The following LRRTM4 variants were observed in gnomAD, a reference collection of about 807,000 sequenced individuals.
LRRTM4 encodes the protein leucine-rich repeat transmembrane neuronal protein 4.
In LRRTM4, 25 loss-of-function variants were observed where a neutral mutation model predicts 47.6. The observed-to-expected ratio is 0.53, with a 90% CI of 0.38 to 0.73. The LOEUF is 0.73. LRRTM4 is among the 30% of genes least tolerant of loss of function. The pLI, the probability that LRRTM4 is intolerant of heterozygous loss-of-function variation, is 0.00. For missense variants in LRRTM4, 638 were observed against 713.4 expected, an observed-to-expected ratio of 0.89 and a Z score of 1.20; for synonymous variants, 311 against 269.5, an observed-to-expected ratio of 1.15 and a Z score of -1.51.
intron 2 of LRRTM4, among the ~76,000 whole-genome samples, chr2:77,520,118 C>G (rs1310189882): frequency 6.6e-6 from 1 of 152,034 alleles, no homozygotes; most frequent in Non-Finnish European, 1.5e-5. Context: ...TTCAGGAGTT[C>G]CTACTTATTT....
intron 3 of LRRTM4, among the ~76,000 whole-genome samples, chr2:77,282,421 G>A (rs563836116): frequency 4.6e-5 from 7 of 151,634 alleles, no homozygotes; most frequent in South Asian, 2.1e-4. Flanking sequence ...CCATTTGGAC[G>A]CCTTTTATTT....
At chr2:76,841,096 T>C (rs1022536730) in intron 3 of LRRTM4, among the ~76,000 whole-genome samples, 1 of 134,292 alleles carries the variant, frequency 7.4e-6, no homozygotes, top group Non-Finnish European at 1.5e-5. Flanking sequence ...TATGCAGCCA[T>C]AAAAAATGAT....
chr2:77,252,521 GC>G (rs1329777207), intron 3 of LRRTM4, among the ~76,000 whole-genome samples: 1 of 147,308 alleles, frequency 6.8e-6, no homozygotes, highest in Non-Finnish European at 1.5e-5. Flanking sequence ...AGATTTTAGG[GC>G]CTCTGAATCA....
intron 3 of LRRTM4, among the ~76,000 whole-genome samples, chr2:76,790,426 G>T (rs112267410): frequency 6.6e-6 from 1 of 152,132 alleles, no homozygotes; most frequent in Admixed American, 6.5e-5. Context: ...TACTGCCTAG[G>T]TTGGAATCTC....
intron 3 of LRRTM4, among the ~76,000 whole-genome samples, chr2:77,159,367 A>G (rs1218837198): frequency 2.0e-5 from 3 of 152,088 alleles, no homozygotes; most frequent in Non-Finnish European, 4.4e-5. Flanking sequence ...TTATTAAGAA[A>G]ATCGTTGGTT....
At chr2:76,909,505 A>C (rs1294150111) in intron 3 of LRRTM4, among the ~76,000 whole-genome samples, 16 of 152,024 alleles carry the variant, frequency 1.1e-4, no homozygotes, top group Admixed American at 6.6e-5. Context: ...GGATCTCATT[A>C]AACTAAAGAG....
At chr2:77,316,765 C>T (rs112634794) in intron 3 of LRRTM4, among the ~76,000 whole-genome samples, 1,992 of 152,198 alleles carry the variant, frequency 0.013, 34 homozygotes, top group African/African-American at 0.045. Context: ...AGGCTAGTCT[C>T]AAACTCCTGA....
At chr2:77,069,050 A>G (rs1036099096) in intron 3 of LRRTM4, among the ~76,000 whole-genome samples, 6 of 152,142 alleles carry the variant, frequency 3.9e-5, no homozygotes, top group Admixed American at 6.5e-5. Flanking sequence ...AGTTAGTTTG[A>G]TATCTATAGA....
intron 3 of LRRTM4, among the ~76,000 whole-genome samples, chr2:77,263,521 G>A (rs7567611): frequency 0.12 from 18,698 of 151,986 alleles, 3,865 homozygotes; most frequent in African/African-American, 0.42. Context: ...ATCTCCAGAT[G>A]GATAGTTTCA....
chr2:77,484,964 A>T (rs1677853441), intron 3 of LRRTM4, among the ~76,000 whole-genome samples: 1 of 152,156 alleles, frequency 6.6e-6, no homozygotes, highest in Admixed American at 6.5e-5. Flanking sequence ...TTGCAGAAAG[A>T]CTAGGAAAAC....
chr2:76,916,477 T>C (rs1674256324), intron 3 of LRRTM4, among the ~76,000 whole-genome samples: 1 of 151,976 alleles, frequency 6.6e-6, no homozygotes, highest in Non-Finnish European at 1.5e-5. Context: ...GTCCATGCTT[T>C]TTAAGTTACA....
intron 3 of LRRTM4, among the ~76,000 whole-genome samples, chr2:77,035,369 G>T (rs1044505079): frequency 1.3e-5 from 2 of 151,848 alleles, no homozygotes; most frequent in Non-Finnish European, 2.9e-5. Context: ...ATTATAACCT[G>T]GCTATTGACA....
intron 3 of LRRTM4, among the ~76,000 whole-genome samples, chr2:76,980,437 T>G (rs1676565766): frequency 6.6e-6 from 1 of 152,088 alleles, no homozygotes; most frequent in Non-Finnish European, 1.5e-5. Flanking sequence ...ACATAAATTT[T>G]TAAAAGAAAA....
At chr2:76,953,073 T>G (rs1675549732) in intron 3 of LRRTM4, among the ~76,000 whole-genome samples, 1 of 151,810 alleles carries the variant, frequency 6.6e-6, no homozygotes, top group Non-Finnish European at 1.5e-5. Context: ...AACTACCTAT[T>G]GGCTATATGC....
intron 3 of LRRTM4, among the ~76,000 whole-genome samples, chr2:76,863,118 C>G (rs1373641812): frequency 2.0e-5 from 3 of 152,120 alleles, no homozygotes; most frequent in Admixed American, 2.0e-4. Flanking sequence ...CATTCAAACT[C>G]TTCTATTATT....
At chr2:76,918,195 A>G (rs1674318003) in intron 3 of LRRTM4, among the ~76,000 whole-genome samples, 1 of 152,208 alleles carries the variant, frequency 6.6e-6, no homozygotes, top group South Asian at 2.1e-4. Flanking sequence ...TACTTTCATG[A>G]AAAATGTCTG....
intron 3 of LRRTM4, among the ~76,000 whole-genome samples, chr2:77,394,832 C>T (rs180767467): frequency 1.3e-4 from 20 of 152,050 alleles, no homozygotes; most frequent in Admixed American, 3.3e-4. Flanking sequence ...CAGCCAGAAC[C>T]AGGCCAGGGT....
intron 3 of LRRTM4, among the ~76,000 whole-genome samples, chr2:76,941,275 C>A (rs1675133702): frequency 6.6e-6 from 1 of 152,080 alleles, no homozygotes; most frequent in Non-Finnish European, 1.5e-5. Context: ...GATTAATTCC[C>A]AGGCAAAAAG....
intron 3 of LRRTM4, among the ~76,000 whole-genome samples, chr2:77,075,943 A>AAAAAAAAAT (rs60802639): frequency 1.4e-5 from 2 of 144,238 alleles, no homozygotes; most frequent in African/African-American, 5.3e-5. Flanking sequence ...AAAAAAAAAA[A>AAAAAAAAAT]TGGGATGAAG....
Sources: gnomAD v4.1 joint callset for allele counts (sites outside exome capture counted in the v4.1 genomes callset) on GRCh38, gnomAD v4.1.1 for gene constraint, MANE v1.5 for transcripts, NCBI Gene and HGNC (gene_info 2026-07-23, HGNC 2026-07-21) for gene names.